RGS6: variants seen among roughly 807,000 people sequenced by gnomAD.
RGS6 encodes regulator of G-protein signaling 6.
A neutral mutation model predicts 78.5 loss-of-function variants in RGS6; 30 were observed. The observed-to-expected ratio is 0.38, with a 90% CI of 0.29 to 0.52. The LOEUF (loss-of-function observed/expected upper bound fraction) is 0.52, where lower values mean the gene tolerates loss of function less well. Ranked by LOEUF, RGS6 falls within the 20% of genes least tolerant of loss-of-function variation. The pLI is 0.85. For missense variants in RGS6, 495 were observed against 609.7 expected (o/e 0.81, Z 1.98); for synonymous variants, 206 against 206.0 (o/e 1.00, Z 0.00).
At chr14:72,175,023 AT>A (rs199922168) in intron 2 of RGS6, among the ~76,000 whole-genome samples, 3,066 of 152,278 alleles carry the variant, frequency 0.02, 64 homozygotes, top group Non-Finnish European at 0.026. Context: ...TAAGGGATTG[AT>A]TTACCTGTCT....
At chr14:72,323,535 AAG>A (rs1460624978) in intron 2 of RGS6, among the ~76,000 whole-genome samples, 1 of 151,914 alleles carries the variant, frequency 6.6e-6, no homozygotes, top group Non-Finnish European at 1.5e-5. Context: ...AAAATTAAGA[AAG>A]GGGGATTAGC....
At chr14:72,116,547 A>G (rs2095890135) in intron 2 of RGS6, among the ~76,000 whole-genome samples, 1 of 151,788 alleles carries the variant, frequency 6.6e-6, no homozygotes, top group Non-Finnish European at 1.5e-5. Context: ...AGATCATAAA[A>G]AATGTCATTA....
chr14:72,481,436 C>T (rs2096375480), intron 12 of RGS6, among the ~76,000 whole-genome samples: 1 of 152,170 alleles, frequency 6.6e-6, no homozygotes, highest in South Asian at 2.1e-4. Flanking sequence ...CCCCCAGTCT[C>T]CCACACAGAG....
chr14:72,221,855 G>C (rs535371199), intron 2 of RGS6, among the ~76,000 whole-genome samples: 37 of 152,308 alleles, frequency 2.4e-4, no homozygotes, highest in African/African-American at 8.9e-4. Flanking sequence ...GGCCCTCCCT[G>C]GGAGCTGGGG....
chr14:72,154,155 G>A (rs917027818), intron 2 of RGS6, among the ~76,000 whole-genome samples: 2 of 152,060 alleles, frequency 1.3e-5, no homozygotes, highest in South Asian at 2.1e-4. Flanking sequence ...ATAGGCTCTC[G>A]GCAAGAAGAA....
At chr14:72,124,769 C>T (rs917183470) in intron 2 of RGS6, among the ~76,000 whole-genome samples, 4 of 152,126 alleles carry the variant, frequency 2.6e-5, no homozygotes, top group Non-Finnish European at 5.9e-5. Flanking sequence ...CTCTTTCTTG[C>T]TCAATTTACA....
Position 72,415,434 on chromosome 14 carries a change from C to G in RGS6, c.185-39094C>G, listed in dbSNP as rs543402466. ...AGTGACCCAATTTTCTGGGTTCCGT[C>G]TGTCACCCCTTTCTTTGACTAGGAA... On this transcript the variant is annotated intron_variant, in intron 3 of 17. Coordinates refer to ENST00000553525, the MANE Select transcript of RGS6 (RefSeq NM_001204424.2). Among the ~76,000 whole-genome samples the G allele has an allele frequency of 7.2e-5, 11 of 152,390 alleles. No homozygotes were observed. In the South Asian group the frequency reaches 2.3e-3, roughly 32 times the overall value.
intron 2 of RGS6, among the ~76,000 whole-genome samples, chr14:72,056,065 G>A (rs1380842283): frequency 1.3e-5 from 2 of 152,194 alleles, no homozygotes; most frequent in Non-Finnish European, 2.9e-5. Flanking sequence ...AAGTCTTGGC[G>A]TGAGCCCCCG....
chr14:72,229,029 T>C (rs1390710113), intron 2 of RGS6, among the ~76,000 whole-genome samples: 3 of 152,220 alleles, frequency 2.0e-5, no homozygotes. Context: ...CACTCTAGCC[T>C]GGGCAACAAG....
At chr14:72,499,250 G>T (rs1181400548) in intron 13 of RGS6, among the ~76,000 whole-genome samples, 1 of 152,198 alleles carries the variant, frequency 6.6e-6, no homozygotes, top group East Asian at 1.9e-4. Flanking sequence ...TTCCCAAGAT[G>T]TTTTTTCTCT....
At chr14:72,372,785 A>G (rs116774758) in intron 3 of RGS6, among the ~76,000 whole-genome samples, 3,053 of 152,298 alleles carry the variant, frequency 0.02, 101 homozygotes, top group African/African-American at 0.071. Flanking sequence ...CTTCTCACTG[A>G]TTGGATTCTT....
chr14:72,191,316 G>A (rs958816396), intron 2 of RGS6, among the ~76,000 whole-genome samples: 1 of 147,782 alleles, frequency 6.8e-6, no homozygotes, highest in African/African-American at 2.5e-5. Flanking sequence ...CTCACACCAT[G>A]CATGTGACTT....
chr14:72,098,832 G>C (rs2095468113), intron 2 of RGS6, among the ~76,000 whole-genome samples: 1 of 152,124 alleles, frequency 6.6e-6, no homozygotes, highest in African/African-American at 2.4e-5. Context: ...TGGGTAAGTT[G>C]TTCTAGAAAA....
chr14:71,981,278 C>T (rs145192742), intron 2 of RGS6, among the ~76,000 whole-genome samples: 67,411 of 151,874 alleles, frequency 0.44, 15,400 homozygotes, highest in East Asian at 0.55. Flanking sequence ...AGTCATTCTC[C>T]GTCCAGCTTT....
At chr14:72,493,721 G>C (rs534371392) in intron 12 of RGS6, among the ~76,000 whole-genome samples, 35 of 151,728 alleles carry the variant, frequency 2.3e-4, no homozygotes, top group South Asian at 4.2e-4. Context: ...ACCAAAGAAC[G>C]AGAATCAAAA....
At chr14:72,594,811 A>T in the RGS6 span, 1 of 151,930 alleles carries the variant, frequency 6.6e-6, no homozygotes, top group Non-Finnish European at 1.5e-5. Flanking sequence ...GTGCAGAAAA[A>T]GTTGCTTTCT....
At chr14:72,113,082 G>GCA (rs776221908) in intron 2 of RGS6, among the ~76,000 whole-genome samples, 17 of 151,432 alleles carry the variant, frequency 1.1e-4, no homozygotes, top group Admixed American at 5.3e-4. Flanking sequence ...ACACACGCAT[G>GCA]CACGCATGCA....
At chr14:72,370,533 G>A (rs1028934351) in intron 3 of RGS6, among the ~76,000 whole-genome samples, 1 of 152,162 alleles carries the variant, frequency 6.6e-6, no homozygotes, top group Non-Finnish European at 1.5e-5. Context: ...GGGAGGGGAC[G>A]TTTTAACAAG....
At chr14:72,455,364 T>G (rs868230368) in intron 4 of RGS6, among the ~76,000 whole-genome samples, 52 of 152,164 alleles carry the variant, frequency 3.4e-4, no homozygotes, top group Middle Eastern at 3.2e-3. Context: ...TGCCCCAAAT[T>G]AAATGGCCCT....
Sources: allele counts gnomAD v4.1 joint callset (sites outside exome capture counted in the v4.1 genomes callset), GRCh38; gene constraint gnomAD v4.1.1; transcripts MANE v1.5; gene names NCBI Gene and HGNC (gene_info 2026-07-23, HGNC 2026-07-21).